CD36: variants seen among roughly 807,000 people sequenced by gnomAD.
CD36 encodes the protein platelet glycoprotein 4.
In CD36, 119 loss-of-function variants were observed where a neutral mutation model predicts 55.2. That is an observed-to-expected ratio of 2.15 (90% CI 1.86 to 2.51). CD36 has a LOEUF of 2.51. CD36 is among the 30% of genes most tolerant of loss of function. The probability of loss-of-function intolerance (pLI) is 0.00; values close to 1 mark genes in which losing one functional copy is unlikely to be tolerated. For synonymous variants in CD36, 186 were observed against 193.6 expected (o/e 0.96, Z 0.33); for missense variants, 819 against 555.5 (o/e 1.47, Z -4.77).
upstream of CD36, among the ~76,000 whole-genome samples, chr7:80,637,569 GT>G (rs143537355): frequency 2.0e-5 from 3 of 148,316 alleles, no homozygotes; most frequent in African/African-American, 2.5e-5. Context: ...AGTGTTTGGG[GT>G]TTTTTTTTTC....
At chr7:80,661,394 A>T (rs1796519312) in intron 5 of CD36, among the ~76,000 whole-genome samples, 184 bp downstream of exon 5, 1 of 152,236 alleles carries the variant, frequency 6.6e-6, no homozygotes, top group Non-Finnish European at 1.5e-5. Flanking sequence ...AATCGACTGC[A>T]TTAGAAGACC....
Position 80,646,806 on chromosome 7 carries a change from T to G in CD36, c.66T>G (p.Phe22Leu). The G allele has an allele frequency of 1.9e-6, 3 of 1,613,996 alleles. No individual in the cohort carries two copies. The highest frequency in any genetic ancestry group is 2.5e-6 in the Non-Finnish European group (3 of 1,179,912). Residue 22 changes from phenylalanine to leucine, a missense_variant, in exon 3 of 15, where the codon TTT becomes TTG. Coordinates refer to ENST00000447544, the MANE Select transcript of CD36 (RefSeq NM_001001548.3). Reference protein sequence around the residue: ...GAVIGAVLAVFGGILMPVGDL... With the variant: ...GAVIGAVLAVLGGILMPVGDL... ...TCATTGGTGCTGTCCTGGCTGTGTT[T>G]GGAGGTATTCTAATGCCAGTTGGAG... is the stretch of plus-strand genomic sequence containing the variant.
At position 80,658,098 on chromosome 7, in the gene CD36, G is replaced by T. The variant is rs1796233661; in HGVS notation, c.281+1398G>T. ...GTCTTAGCAGTTTTACCCGAATCGG[G>T]TGTCTCTGTGCGCATCTGTGACAAT... On this transcript the variant is annotated intron_variant, in intron 4 of 14. Coordinates refer to ENST00000447544, the MANE Select transcript of CD36 (RefSeq NM_001001548.3). Among the ~76,000 whole-genome samples, 3 of 152,312 alleles carry T rather than the reference G, an allele frequency of 2.0e-5. 1 individual carries two copies. In the South Asian group the frequency reaches 6.2e-4, roughly 32 times the overall value.
intron 8 of CD36, among the ~76,000 whole-genome samples, chr7:80,669,663 T>A (rs544536139): frequency 1.3e-5 from 2 of 152,056 alleles, no homozygotes; most frequent in East Asian, 3.9e-4. Context: ...ACCCAGCTAA[T>A]TTTGTGTATT....
At chr7:80,648,365 A>G (rs1341056380) in intron 3 of CD36, among the ~76,000 whole-genome samples, 1 of 152,134 alleles carries the variant, frequency 6.6e-6, no homozygotes, top group Non-Finnish European at 1.5e-5. Context: ...TAATCTTCCA[A>G]TGCACAGCGA....
In CD36 at chr7:80,672,794, G is replaced by C. The variant is rs201346212; in HGVS notation, c.1150G>C (p.Ala384Pro). 6.8e-6 allele frequency: 11 copies of C among 1,609,480 alleles called. No individual in the cohort carries two copies. The East Asian group carries it at 2.5e-4, about 36-fold the overall frequency. Residue 384 changes from alanine to proline, a missense_variant, in exon 12 of 15, where the codon GCA becomes CCA. Physicochemically the swap from Ala to Pro is conservative, Grantham distance 27. Coordinates refer to ENST00000447544, the MANE Select transcript of CD36 (RefSeq NM_001001548.3). The stretch of plus-strand genomic sequence containing the variant: ...GATAACTGGATTCACTTTACAATTT[G>C]CAAAACGGCTGCAGGTCAACCTATT... ...EPITGFTLQF[A>P]KRLQVNLLVK... is the part of the protein sequence containing the mutation.
intron 4 of CD36, 144 bp downstream of exon 4, chr7:80,656,844 T>C: frequency 1.4e-6 from 1 of 717,034 alleles, no homozygotes; most frequent in Non-Finnish European, 2.3e-6. Context: ...TTCCTGTCTG[T>C]ATAGAATCCT....
intron 13 of CD36, 33 bp from the exon 14 acceptor site, chr7:80,673,950 C>T (rs766712992): frequency 6.4e-7 from 1 of 1,566,304 alleles, no homozygotes; most frequent in Non-Finnish European, 8.8e-7. Context: ...TACTAACGTA[C>T]CCAAATAATG....
intron 1 of CD36, among the ~76,000 whole-genome samples, chr7:80,630,546 G>T (rs1005071921): frequency 2.0e-5 from 3 of 151,996 alleles, no homozygotes; most frequent in African/African-American, 7.2e-5. Flanking sequence ...CAATCTTTTG[G>T]GATGTGCTTC....
chr7:80,652,333 A>G (rs1445466722), intron 3 of CD36, among the ~76,000 whole-genome samples: 1 of 152,142 alleles, frequency 6.6e-6, no homozygotes, highest in Non-Finnish European at 1.5e-5. Context: ...ACTTACATAA[A>G]TTCTTGGAGG....
chr7:80,644,810 T>C (rs1795037152), intron 1 of CD36, among the ~76,000 whole-genome samples: 1 of 152,198 alleles, frequency 6.6e-6, no homozygotes, highest in Admixed American at 6.5e-5. Context: ...ATATGTTTTC[T>C]TTGGCCATGA....
intron 1 of CD36, among the ~76,000 whole-genome samples, chr7:80,631,094 A>G (rs1328098837): frequency 6.6e-6 from 1 of 152,052 alleles, no homozygotes; most frequent in African/African-American, 2.4e-5. Flanking sequence ...TGAGCAGTGC[A>G]AAAGTAGCAG....
At chr7:80,663,999 TTTATCATTTTAGTAACCACTTA>T (rs1369567318) in intron 6 of CD36, among the ~76,000 whole-genome samples, 69 of 152,262 alleles carry the variant, frequency 4.5e-4, no homozygotes, top group East Asian at 3.9e-3. Flanking sequence ...ATGTCTAATT[TTTATCATTTTAGTAACCACTTA>T]TTATCATTTT....
chr7:80,627,518 C>G (rs180945653), intron 1 of CD36, among the ~76,000 whole-genome samples: 1 of 151,254 alleles, frequency 6.6e-6, no homozygotes, highest in African/African-American at 2.4e-5. Context: ...AATAAATGAG[C>G]AGTCCAGAAC....
At chr7:80,611,062 C>T (rs1792852471) in intron 1 of CD36, among the ~76,000 whole-genome samples, 1 of 151,864 alleles carries the variant, frequency 6.6e-6, no homozygotes, top group African/African-American at 2.4e-5. Flanking sequence ...TTGTTTCTTT[C>T]TGTAGAGGCA....
chr7:80,635,576 C>T (rs1480949581), upstream of CD36, among the ~76,000 whole-genome samples: 5 of 151,966 alleles, frequency 3.3e-5, no homozygotes, highest in Non-Finnish European at 7.4e-5. Flanking sequence ...AGCCCAGCCA[C>T]AATTATTTGT....
Position 80,656,503 on chromosome 7 carries a change from A to T in CD36, c.121-37A>T, listed in dbSNP as rs775607549. 4.4e-6 allele frequency: 7 copies of T among 1,602,294 alleles called. 1 individual carries two copies. In the South Asian group the frequency reaches 7.8e-5, roughly 18 times the overall value. On this transcript the variant is annotated intron_variant, in intron 3 of 14. Transcript: ENST00000447544. ...TCTTCCAGAAGTGCCTGTACTTACT[A>T]CAAAGACATAACCCAAACTTATTTT...
rs776740918 is a variant in CD36 at position 80,666,484 on chromosome 7, G to A, written c.743G>A (p.Gly248Asp). 9 of 1,606,226 alleles carry A rather than the reference G, an allele frequency of 5.6e-6. No individual in the cohort carries two copies. The highest frequency in any genetic ancestry group is 6.0e-6 in the Non-Finnish European group (7 of 1,173,318). The change falls in exon 8 of 15, where the codon GGT becomes GAT. Residue 248 changes from glycine to aspartate, a missense_variant. Transcript: ENST00000447544. The stretch of plus-strand genomic sequence containing the variant: ...GAAAGTCACTGCGACATGATTAATG[G>A]TACAGGTAAGAATATTTGTTTTGTG... The part of the protein sequence containing the change: ...YWESHCDMIN[G>D]TDAASFPPFV...
intron 11 of CD36, 55 bp from the exon 12 acceptor site, chr7:80,672,715 T>C: frequency 1.7e-6 from 2 of 1,204,766 alleles, no homozygotes; most frequent in Non-Finnish European, 2.4e-6. Context: ...AAGTTTTGAA[T>C]AGTATAAAAT....
Sources: gnomAD v4.1 joint callset for allele counts (sites outside exome capture counted in the v4.1 genomes callset) on GRCh38, gnomAD v4.1.1 for gene constraint, MANE v1.5 for transcripts, NCBI Gene and HGNC (gene_info 2026-07-23, HGNC 2026-07-21) for gene names.